THBS3: variants seen among roughly 807,000 people sequenced by gnomAD.
The protein encoded by THBS3 is thrombospondin 3, also known as thrombospondin-3.
Under a neutral mutation model 118.3 loss-of-function variants are expected in THBS3, and 78 were observed. The ratio of observed to expected loss-of-function variants is 0.66; its 90% CI spans 0.55 to 0.80. The LOEUF is 0.80. Among genes scored for constraint, THBS3 ranks in the 30% least tolerant of loss-of-function variants. The pLI is 0.00. For synonymous variants in THBS3, 427 were observed against 475.3 expected (o/e 0.90, Z 1.32); for missense variants, 1,057 against 1,247.4 (o/e 0.85, Z 2.30).
upstream of THBS3, among the ~76,000 whole-genome samples, chr1:155,208,293 G>GCCGCAACTAGCTTGCTATAGTGC (rs1429247127): frequency 1.3e-5 from 2 of 152,232 alleles, no homozygotes; most frequent in East Asian, 3.9e-4. Context: ...CAAGGGAGTG[G>GCCGCAACTAGCTTGCTATAGTGC]CCGCAACTAG....
At position 155,197,292 on chromosome 1, in the gene THBS3, G is replaced by A. The variant is rs1291796571; in HGVS notation, c.2500-79C>T. The stretch of plus-strand genomic sequence containing the variant: ...GACAACAGGTCGGTAAGTGCAGGTG[G>A]GAAAGGGATTCAAGGCGGTCATGAA... On this transcript the variant is annotated intron_variant, in intron 20 of 22. Transcript: ENST00000368378. The surrounding 1 kb of genome is among the most constrained non-coding windows in gnomAD (Gnocchi z 5.0). 6 of 1,568,056 alleles carry A rather than the reference G, an allele frequency of 3.8e-6. No homozygotes were observed. The highest frequency in any genetic ancestry group is 5.2e-6 in the Non-Finnish European group (6 of 1,146,986).
In THBS3 at chr1:155,197,802, G is replaced by C; in HGVS notation, c.2302+78C>G. 1 of 1,604,562 alleles carries C rather than the reference G, an allele frequency of 6.2e-7. No homozygotes were observed. ...TCTCGCCACTTTGCCCATTCTCCCTGTCTGTTTCCTCCCCTACCCTCTGCC... is the reference window on the plus strand; with the variant it reads ...TCTCGCCACTTTGCCCATTCTCCCTCTCTGTTTCCTCCCCTACCCTCTGCC... On this transcript the variant is annotated intron_variant, in intron 19 of 22. Transcript: ENST00000368378. This position sits in a 1 kb window ranked among gnomAD's most constrained non-coding sequence, Gnocchi z 5.0.
intron 4 of THBS3, among the ~76,000 whole-genome samples, chr1:155,204,605 G>A (rs763090119): frequency 5.0e-4 from 76 of 151,292 alleles, no homozygotes; most frequent in Non-Finnish European, 7.2e-4. Context: ...AAAAATACTC[G>A]AGACCAGTAT....
At chr1:155,203,840 C>CT (rs1370498215) in intron 4 of THBS3, among the ~76,000 whole-genome samples, 2 of 151,452 alleles carry the variant, frequency 1.3e-5, no homozygotes, top group African/African-American at 4.9e-5. Flanking sequence ...AGTATATCCC[C>CT]ATTTTTTTTT....
chr1:155,208,685 C>G (rs1670885946), upstream of THBS3: 2 of 1,093,650 alleles, frequency 1.8e-6, no homozygotes, highest in Non-Finnish European at 2.5e-6. Context: ...AGCCTCTCTT[C>G]CCCTCCCCCA....
chr1:155,196,611 G>A (rs1668719144), intron 21 of THBS3, among the ~76,000 whole-genome samples: 1 of 152,238 alleles, frequency 6.6e-6, no homozygotes, highest in African/African-American at 2.4e-5. Flanking sequence ...TTGTTGGAGA[G>A]AAATGCAAAG....
intron 22 of THBS3, 26 bp from the exon 23 acceptor site, chr1:155,195,925 C>T (rs1668582642): frequency 6.2e-7 from 1 of 1,614,166 alleles, no homozygotes; most frequent in Non-Finnish European, 8.5e-7. Flanking sequence ...TAAGTAAGGT[C>T]AGAGGATGTG....
Position 155,201,458 on chromosome 1 carries a change from C to T in THBS3, c.1288G>A (p.Ala430Thr). ...SPAHSPCHIH[A>T]HCLFERNGAV... ...CCATTGCGTTCAAAGAGACAGTGAG[C>T]ATGGATGTGGCAGGGGCTGTGGGCT... The change falls in exon 11 of 23, where the codon GCT (alanine) becomes ACT (threonine). Residue 430 changes from alanine to threonine, a missense_variant. Physicochemically the swap from Ala to Thr is moderately conservative, Grantham distance 58. Transcript: ENST00000368378. 6.2e-7 allele frequency: 1 copy of T among 1,613,008 alleles called. No individual in the cohort carries two copies. The highest frequency in any genetic ancestry group is 8.5e-7 in the Non-Finnish European group (1 of 1,179,424).
At position 155,202,013 on chromosome 1, in the gene THBS3, A is replaced by G; in HGVS notation, c.1120T>C (p.Cys374Arg). Residue 374 changes from cysteine (C) to arginine (R), a missense_variant, in exon 10 of 23, where the codon TGC becomes CGC. Physicochemically the swap from Cys to Arg is radical, Grantham distance 180. This residue lies in a region of THBS3 where 544 missense variants were observed against 715.6 expected (regional missense o/e 0.76). Coordinates refer to ENST00000368378, the MANE Select transcript of THBS3 (RefSeq NM_007112.5). This position sits in a 1 kb window ranked among gnomAD's most constrained non-coding sequence, Gnocchi z 5.5. ...SKQVCNDIDECNDGNNGGCDP... is the reference protein window; with the variant it reads ...SKQVCNDIDERNDGNNGGCDP... ...CAGCCACCATTGTTGCCATCGTTGC[A>G]TTCATCGATGTCATTGCAGACCTGA... 6.2e-7 allele frequency: 1 copy of G among 1,614,188 alleles called. No individual in the cohort carries two copies. Among genetic ancestry groups the G allele is most frequent in the Non-Finnish European group, 8.5e-7 (1 of 1,180,044 alleles).
At position 155,204,886 on chromosome 1, in the gene THBS3, T is replaced by C. The variant is rs140886837; in HGVS notation, c.615A>G (p.Pro205=). The change falls in exon 4 of 23, where the codon CCA becomes CCG. Residue 205 remains proline, a synonymous_variant. Coordinates refer to ENST00000368378, the MANE Select transcript of THBS3 (RefSeq NM_007112.5). ...TGTGGATGGACTCGTCCCCTTGGAA[T>C]GGACACTCACTCAGGGCTCCTACCC... ...MARVGALSEC[P]FQGDESIHSA... 28 of 1,613,842 alleles carry C rather than the reference T, an allele frequency of 1.7e-5. No individual in the cohort carries two copies. Among genetic ancestry groups the C allele is most frequent in the Non-Finnish European group, 2.1e-5 (25 of 1,180,026 alleles).
chr1:155,203,899 G>A (rs1342507486), intron 4 of THBS3, among the ~76,000 whole-genome samples: 1 of 151,478 alleles, frequency 6.6e-6, no homozygotes, highest in Non-Finnish European at 1.5e-5. Context: ...ATGCAGTGGC[G>A]TGATCTCTGC....
rs929257029 is a variant in THBS3 at position 155,197,309 on chromosome 1, G to C, written c.2500-96C>G. The C allele has an allele frequency of 6.5e-7, 1 of 1,543,610 alleles. No individual in the cohort carries two copies. Among genetic ancestry groups the C allele is most frequent in the Admixed American group, 1.7e-5 (1 of 57,254 alleles). On this transcript the variant is annotated intron_variant, in intron 20 of 22. Coordinates refer to ENST00000368378, the MANE Select transcript of THBS3 (RefSeq NM_007112.5). The surrounding 1 kb of genome is among the most constrained non-coding windows in gnomAD (Gnocchi z 5.0). ...TGCAGGTGGGAAAGGGATTCAAGGCGGTCATGAAAATGCCCTGGGGCCCCA... is the reference window on the plus strand; with the variant it reads ...TGCAGGTGGGAAAGGGATTCAAGGCCGTCATGAAAATGCCCTGGGGCCCCA...
rs1295449070 is a variant in THBS3, at chr1:155,200,894, C to T, written c.1548+3G>A. On this transcript the variant is annotated splice_donor_region_variant and intron_variant, in intron 13 of 22. Transcript: ENST00000368378. ...TCAAGGGGCAGGGCAGTCTGGGAGT[C>T]ACCTCAACATTCTTGATCCCATCCC... The T allele has an allele frequency of 1.9e-6, 3 of 1,613,940 alleles. No individual in the cohort carries two copies. Among genetic ancestry groups the T allele is most frequent in the East Asian group, 2.2e-5 (1 of 44,882 alleles).
upstream of THBS3, chr1:155,208,852 C>T (rs539980904): frequency 6.3e-7 from 1 of 1,599,536 alleles, no homozygotes; most frequent in East Asian, 2.3e-5. Context: ...GGACGAGCCC[C>T]AAGGGGCCCT....
intron 16 of THBS3, among the ~76,000 whole-genome samples, chr1:155,199,570 A>G (rs967436189): frequency 2.6e-5 from 4 of 152,130 alleles, no homozygotes; most frequent in African/African-American, 4.8e-5. Flanking sequence ...CCTGGCCAAC[A>G]TGGTGAAACC....
Position 155,205,138 on chromosome 1 carries a change from T to C in THBS3, c.465A>G (p.Pro155=), listed in dbSNP as rs1009352506. The C allele has an allele frequency of 6.2e-7, 1 of 1,614,068 alleles. No homozygotes were observed. Among genetic ancestry groups the C allele is most frequent in the African/African-American group, 1.3e-5 (1 of 74,924 alleles). Residue 155 remains proline, a synonymous_variant, in exon 3 of 23, where the codon CCA becomes CCG. Coordinates refer to ENST00000368378, the MANE Select transcript of THBS3 (RefSeq NM_007112.5). ...CCGCTGGAGGAATGGGGGCCAGTGC[T>C]GGAAGGCCTGCATGTTGGTCACCCA... The part of the protein sequence containing the change: ...CKLGDQHAGL[P]ALAPIPPAEV...
chr1:155,202,260 C>A lies in THBS3; in HGVS notation c.1098+1G>T. On this transcript the variant is annotated splice_donor_variant, in intron 9 of 22. Coordinates refer to ENST00000368378, the MANE Select transcript of THBS3 (RefSeq NM_007112.5). LOFTEE classifies it high-confidence loss of function. The surrounding 1 kb of genome is among the most constrained non-coding windows in gnomAD (Gnocchi z 5.5). ...TGTCCACACACACTACCCAGTCTGA[C>A]CTGTTTGCTGGCCCGGGCATAGTCA... is the stretch of plus-strand genomic sequence containing the variant. 4 of 1,613,666 alleles carry A rather than the reference C, an allele frequency of 2.5e-6. No individual in the cohort carries two copies. Among genetic ancestry groups the A allele is most frequent in the Non-Finnish European group, 3.4e-6 (4 of 1,179,742 alleles).
Position 155,195,657 on chromosome 1 carries a change from C to A in THBS3, c.*184G>T. ...CTGGGGTTAGTGCCTGAGTAATACC[C>A]CTTGAAAACTTCTCATCCCCTGAAG... On this transcript the variant is annotated 3_prime_UTR_variant, in exon 23 of 23. Coordinates refer to ENST00000368378, the MANE Select transcript of THBS3 (RefSeq NM_007112.5). 1 of 621,284 alleles carries A rather than the reference C, an allele frequency of 1.6e-6. No individual in the cohort carries two copies. The highest frequency in any genetic ancestry group is 2.7e-5 in the East Asian group (1 of 36,590). The allele number at this position is 621,284 out of a possible 1,614,324, so 38.5% of individuals were successfully genotyped here. A position where few individuals can be genotyped will look rare whatever the true frequency, so the allele number is the denominator to read the frequency against.
At chr1:155,207,694 T>G (rs1670757049) in intron 1 of THBS3, 104 bp downstream of exon 1, 2 of 1,243,094 alleles carry the variant, frequency 1.6e-6, no homozygotes, top group Non-Finnish European at 2.3e-6. Context: ...GCTCAATTTC[T>G]GGACTCTTCC....
Sources: gnomAD v4.1 joint callset for allele counts (sites outside exome capture counted in the v4.1 genomes callset) on GRCh38, gnomAD v4.1.1 for gene constraint, gnomAD v4.1.1 regional missense constraint, Gnocchi (gnomAD v3.1) non-coding constraint, MANE v1.5 for transcripts, NCBI Gene and HGNC (gene_info 2026-07-23, HGNC 2026-07-21) for gene names.